HRH2: variants seen among roughly 807,000 people sequenced by gnomAD.
HRH2 encodes histamine H2 receptor.
HRH2 carries 4 observed loss-of-function variants against 20.1 expected under a neutral mutation model. That is an observed-to-expected ratio of 0.20 (90% CI 0.10 to 0.45). The LOEUF (loss-of-function observed/expected upper bound fraction) is 0.45. Ranked by LOEUF, HRH2 falls within the 20% of genes least tolerant of loss-of-function variation. The probability of loss-of-function intolerance (pLI) is 0.99; values close to 1 mark genes in which losing one functional copy is unlikely to be tolerated. For synonymous variants in HRH2, 197 were observed against 200.7 expected (o/e 0.98, Z 0.16); for missense variants, 250 against 461.6 (o/e 0.54, Z 4.20).
At chr5:175,692,718 C>T (rs1007661918) in intron 2 of HRH2, among the ~76,000 whole-genome samples, 1 of 152,206 alleles carries the variant, frequency 6.6e-6, no homozygotes, top group African/African-American at 2.4e-5. Flanking sequence ...TGACCCTAAG[C>T]CTGGTGCCCC....
In HRH2 at chr5:175,687,041, G is replaced by A. The variant is rs1157774104; in HGVS notation, c.1076+2732G>A. 1.3e-5 allele frequency among the ~76,000 whole-genome samples: 2 copies of A among 152,156 alleles called. No individual in the cohort carries two copies. Among genetic ancestry groups the A allele is most frequent in the Admixed American group, 1.3e-4 (2 of 15,278 alleles). On this transcript the variant is annotated intron_variant, in intron 2 of 2. Transcript: ENST00000636584. This position sits in a 1 kb window ranked among gnomAD's most constrained non-coding sequence, Gnocchi z 5.2. The stretch of plus-strand genomic sequence containing the variant: ...TCCCAGGGTCATGCATGCAGCCGTG[G>A]AGGCAGGGCCAGATCCGAGTCCAGA...
chr5:175,684,091 C>A lies in HRH2; in HGVS notation c.858C>A (p.Ile286=). ...LGYANSALNP[I]LYAALNRDFR... ...ATGCCAACTCAGCCCTGAACCCCAT[C>A]CTGTATGCTGCGCTGAACAGAGACT... Residue 286 remains isoleucine (I), a synonymous_variant, in exon 2 of 3, where the codon ATC becomes ATA. Coordinates refer to ENST00000636584, the MANE Select transcript of HRH2 (RefSeq NM_001367711.1). 1 of 1,614,196 alleles carries A rather than the reference C, an allele frequency of 6.2e-7. No homozygotes were observed.
intron 1 of HRH2, among the ~76,000 whole-genome samples, chr5:175,669,620 T>C (rs1210992173): frequency 2.0e-5 from 3 of 152,362 alleles, no homozygotes; most frequent in Admixed American, 6.5e-5. Flanking sequence ...CACCTCGGCC[T>C]CCCGAAGTGC....
intron 2 of HRH2, among the ~76,000 whole-genome samples, chr5:175,697,520 G>T (rs962226878): frequency 6.7e-6 from 1 of 149,616 alleles, no homozygotes; most frequent in African/African-American, 2.5e-5. Context: ...ACCCCCTGCA[G>T]CCTCATCTCT....
rs760126396 is a variant in HRH2, at chr5:175,683,642, A to G, written c.409A>G (p.Ile137Val). 2.7e-5 allele frequency: 43 copies of G among 1,614,006 alleles called. No individual in the cohort carries two copies. The highest frequency in any genetic ancestry group is 2.5e-5 in the Non-Finnish European group (29 of 1,180,026). ...PVLVTPVRVA[I>V]SLVLIWVISI... ...GCTGGTCACCCCAGTTCGGGTCGCCATCTCTCTGGTCTTAATTTGGGTCAT... is the reference window on the plus strand; with the variant it reads ...GCTGGTCACCCCAGTTCGGGTCGCCGTCTCTCTGGTCTTAATTTGGGTCAT... The change falls in exon 2 of 3, where the codon ATC (isoleucine) becomes GTC (valine). Residue 137 changes from isoleucine to valine, a missense_variant. By Grantham distance (29) the Ile-to-Val change is conservative. This residue lies in a region of HRH2 where 86 missense variants were observed against 176.4 expected (regional missense o/e 0.49). Coordinates refer to ENST00000636584, the MANE Select transcript of HRH2 (RefSeq NM_001367711.1).
rs1416080467 is a variant in HRH2 at position 175,677,011 on chromosome 5, T to C, written c.-525-5698T>C. The stretch of plus-strand genomic sequence containing the variant: ...TTTCTTTTCTTTCTCTCTTTCTTTT[T>C]TGAGGCAGGTTCTCACTCAGTTGCC... On this transcript the variant is annotated intron_variant, in intron 1 of 2. Coordinates refer to ENST00000636584, the MANE Select transcript of HRH2 (RefSeq NM_001367711.1). The surrounding 1 kb of genome is among the most constrained non-coding windows in gnomAD (Gnocchi z 4.2). Among the ~76,000 whole-genome samples, 1 of 152,234 alleles carries C rather than the reference T, an allele frequency of 6.6e-6. No homozygotes were observed. The highest frequency in any genetic ancestry group is 2.4e-5 in the African/African-American group (1 of 41,446).
At position 175,710,711 on chromosome 5, in the gene HRH2, C is replaced by A. The variant is rs1290592292; in HGVS notation, c.*2740C>A. On this transcript the variant is annotated 3_prime_UTR_variant, in exon 3 of 3. Transcript: ENST00000636584. ...GAACATCTGTGGTGGGACCCCAAAT[C>A]CATGTTTGTGTTACCATCGTGTTCC... 6.6e-6 allele frequency: 1 copy of A among 152,202 alleles called. No homozygotes were observed. The highest frequency in any genetic ancestry group is 2.4e-5 in the African/African-American group (1 of 41,442). 9.4% of individuals were successfully genotyped at this position (152,202 alleles called of 1,614,324 possible).
chr5:175,700,934 A>G (rs558856481), intron 2 of HRH2, among the ~76,000 whole-genome samples: 11 of 152,276 alleles, frequency 7.2e-5, no homozygotes, highest in African/African-American at 2.6e-4. Context: ...ACCAGCAAAG[A>G]AGAAAATACA....
At chr5:175,674,299 C>T (rs1755680932) in intron 1 of HRH2, among the ~76,000 whole-genome samples, 2 of 152,192 alleles carry the variant, frequency 1.3e-5, no homozygotes, top group Admixed American at 6.5e-5. Flanking sequence ...AGTGAGCTTT[C>T]CAAACCTCAG....
chr5:175,685,458 T>C (rs1756138952), intron 2 of HRH2: 4 of 1,551,696 alleles, frequency 2.6e-6, no homozygotes, highest in Non-Finnish European at 3.5e-6. Context: ...GACCCATTCA[T>C]TCATTCATTT....
intron 2 of HRH2, among the ~76,000 whole-genome samples, chr5:175,692,091 C>T (rs1377402784): frequency 6.6e-6 from 1 of 152,054 alleles, no homozygotes; most frequent in African/African-American, 2.4e-5. Context: ...GACAGCCCGG[C>T]AAAAGGCAGG....
chr5:175,669,295 C>T (rs1755431097), intron 1 of HRH2, among the ~76,000 whole-genome samples: 1 of 151,806 alleles, frequency 6.6e-6, no homozygotes, highest in Non-Finnish European at 1.5e-5. Flanking sequence ...ATTTTTTGTT[C>T]GTTCATGTGA....
intron 1 of HRH2, among the ~76,000 whole-genome samples, chr5:175,675,024 C>T (rs755332581): frequency 6.6e-6 from 1 of 152,216 alleles, no homozygotes; most frequent in Non-Finnish European, 1.5e-5. Context: ...AGGCCGAGAA[C>T]AGGGACTCTG....
rs573468877 is a variant in HRH2, at chr5:175,693,825, G to A, written c.1076+9516G>A. 3.3e-5 allele frequency among the ~76,000 whole-genome samples: 5 copies of A among 152,212 alleles called. No homozygotes were observed. Among genetic ancestry groups the A allele is most frequent in the African/African-American group, 7.2e-5 (3 of 41,512 alleles). ...CCCGCTTTTGTTCCACCTGGTGTTCGTTCCTGAACAGGCTGCACATCTCTC... is the reference window on the plus strand; with the variant it reads ...CCCGCTTTTGTTCCACCTGGTGTTCATTCCTGAACAGGCTGCACATCTCTC... On this transcript the variant is annotated intron_variant, in intron 2 of 2. Coordinates refer to ENST00000636584, the MANE Select transcript of HRH2 (RefSeq NM_001367711.1). The surrounding 1 kb of genome is among the most constrained non-coding windows in gnomAD (Gnocchi z 4.4).
chr5:175,673,272 A>G (rs1049634689), intron 1 of HRH2, among the ~76,000 whole-genome samples: 1 of 152,138 alleles, frequency 6.6e-6, no homozygotes, highest in African/African-American at 2.4e-5. Context: ...CGCGTTTCAC[A>G]GGCAGACAGG....
chr5:175,687,405 G>A lies in HRH2; in HGVS notation c.1076+3096G>A, dbSNP rs964130936. Among the ~76,000 whole-genome samples, 7 of 152,130 alleles carry A rather than the reference G, an allele frequency of 4.6e-5. No homozygotes were observed. Among genetic ancestry groups the A allele is most frequent in the South Asian group, 2.1e-4 (1 of 4,824 alleles). On this transcript the variant is annotated intron_variant, in intron 2 of 2. Transcript: ENST00000636584. The surrounding 1 kb of genome is among the most constrained non-coding windows in gnomAD (Gnocchi z 5.2). ...GCTGTCTGCCTGAGCCAAGAATTCCGAAGGGAACGGAGCCAGCCTGCCCTG... is the reference window on the plus strand; with the variant it reads ...GCTGTCTGCCTGAGCCAAGAATTCCAAAGGGAACGGAGCCAGCCTGCCCTG...
chr5:175,684,577 G>A (rs137877030), intron 2 of HRH2, among the ~76,000 whole-genome samples: 4 of 152,346 alleles, frequency 2.6e-5, no homozygotes, highest in African/African-American at 4.8e-5. Context: ...ACCTGACTTC[G>A]GAACTCGCAA....
At position 175,683,576 on chromosome 5, in the gene HRH2, G is replaced by A. The variant is rs1228318898; in HGVS notation, c.343G>A (p.Asp115Asn). Residue 115 changes from aspartate to asparagine, a missense_variant, in exon 2 of 3, where the codon GAC becomes AAC. Around this residue, in one of 5 missense-constraint regions of HRH2, gnomAD observed 86 missense variants for 176.4 expected, o/e 0.49. Coordinates refer to ENST00000636584, the MANE Select transcript of HRH2 (RefSeq NM_001367711.1). Reference sequence around the variant, plus strand: ...TCTTAACCTCTTCATGATCAGCCTCGACCGGTACTGCGCTGTCATGGACCC... The same window carrying A: ...TCTTAACCTCTTCATGATCAGCCTCAACCGGTACTGCGCTGTCATGGACCC... ...SILNLFMISL[D>N]RYCAVMDPLR... 1.2e-6 allele frequency: 2 copies of A among 1,614,108 alleles called. No homozygotes were observed. Among genetic ancestry groups the A allele is most frequent in the Admixed American group, 1.7e-5 (1 of 60,024 alleles).
chr5:175,690,958 G>A (rs1756353283), intron 2 of HRH2, among the ~76,000 whole-genome samples: 1 of 152,102 alleles, frequency 6.6e-6, no homozygotes. Context: ...TTTTTGCTGT[G>A]ATTTTTCCCT....
Sources: gnomAD v4.1 joint callset for allele counts (sites outside exome capture counted in the v4.1 genomes callset) on GRCh38, gnomAD v4.1.1 for gene constraint, gnomAD v4.1.1 regional missense constraint, Gnocchi (gnomAD v3.1) non-coding constraint, MANE v1.5 for transcripts, NCBI Gene and HGNC (gene_info 2026-07-23, HGNC 2026-07-21) for gene names.